The following CUX2 variants were observed in gnomAD, a reference collection of about 807,000 sequenced individuals.
CUX2 encodes cut like homeobox 2.
A neutral mutation model predicts 144.8 loss-of-function variants in CUX2; 40 were observed. The ratio of observed to expected loss-of-function variants is 0.28; its 90% CI spans 0.21 to 0.36. The LOEUF is 0.36. CUX2 is among the 10% of genes least tolerant of loss of function. The pLI is 1.00. For missense variants in CUX2, 1,615 were observed against 1,994.0 expected (o/e 0.81, Z 3.62); for synonymous variants, 827 against 875.6 (o/e 0.94, Z 0.98).
At chr12:111,232,807 T>C (rs1230208898) in intron 3 of CUX2, among the ~76,000 whole-genome samples, 1 of 152,218 alleles carries the variant, frequency 6.6e-6, no homozygotes, top group Non-Finnish European at 1.5e-5. Flanking sequence ...ATTCATTTCC[T>C]TAGCAAATAT....
chr12:111,053,506 T>A (rs1249573604), intron 1 of CUX2, among the ~76,000 whole-genome samples: 1 of 152,212 alleles, frequency 6.6e-6, no homozygotes, highest in Non-Finnish European at 1.5e-5. Context: ...GCCACGTACT[T>A]CCATAGTCTC....
At position 111,282,626 on chromosome 12, in the gene CUX2, A is replaced by T. The variant is rs1323984007; in HGVS notation, c.302-8792A>T. ...GGGCAACAAGCGTGAAACTCCATCT[A>T]AAAAAAAAAAAAAAAAAAAAAAATC... On this transcript the variant is annotated intron_variant, in intron 4 of 21. Coordinates refer to ENST00000261726, the MANE Select transcript of CUX2 (RefSeq NM_015267.4). Among the ~76,000 whole-genome samples the T allele has an allele frequency of 3.2e-3, 167 of 52,812 alleles. 1 individual carries two copies. Among genetic ancestry groups the T allele is most frequent in the South Asian group, 1.6e-3 (2 of 1,284 alleles). The allele number at this position is 52,812 out of a possible 152,430, so 34.6% of individuals were successfully genotyped here.
chr12:111,240,246 C>T (rs1412357711), intron 3 of CUX2, among the ~76,000 whole-genome samples: 1 of 152,212 alleles, frequency 6.6e-6, no homozygotes, highest in African/African-American at 2.4e-5. Context: ...CCAGACAAAG[C>T]AAAACTGGGC....
intron 1 of CUX2, among the ~76,000 whole-genome samples, chr12:111,144,344 C>T (rs748665558): frequency 5.9e-5 from 9 of 152,214 alleles, no homozygotes; most frequent in Non-Finnish European, 1.2e-4. Context: ...TTTCCGGAGC[C>T]ATCAGTAAAA....
intron 16 of CUX2, among the ~76,000 whole-genome samples, chr12:111,318,055 TTTG>T (rs574274806): frequency 5.5e-4 from 84 of 151,424 alleles, no homozygotes; most frequent in Non-Finnish European, 1.0e-3. Context: ...TGGACTTGTT[TTTG>T]TTGTTGTTGT....
intron 19 of CUX2, among the ~76,000 whole-genome samples, chr12:111,337,352 C>CAAA (rs1197695502): frequency 6.3e-5 from 7 of 111,486 alleles, no homozygotes; most frequent in South Asian, 2.8e-4. Context: ...GACCCTGTCT[C>CAAA]AAAAAAAAAA....
chr12:111,150,324 C>T (rs1004123675), intron 1 of CUX2, among the ~76,000 whole-genome samples: 1 of 152,090 alleles, frequency 6.6e-6, no homozygotes, highest in African/African-American at 2.4e-5. Context: ...AAAAAAGGGC[C>T]GGGAAAAAGA....
chr12:111,104,588 T>C (rs1254144450), intron 1 of CUX2, among the ~76,000 whole-genome samples: 1 of 152,240 alleles, frequency 6.6e-6, no homozygotes, highest in East Asian at 1.9e-4. Flanking sequence ...TTTACCTCGC[T>C]GTGGCCCTGG....
intron 8 of CUX2, among the ~76,000 whole-genome samples, chr12:111,296,973 C>T (rs1244784885): frequency 1.3e-5 from 2 of 150,604 alleles, no homozygotes; most frequent in African/African-American, 2.4e-5. Flanking sequence ...CCCTCTGACC[C>T]TCCAGTACTT....
intron 3 of CUX2, among the ~76,000 whole-genome samples, chr12:111,224,774 G>A (rs10744770): frequency 0.32 from 49,227 of 151,880 alleles, 9,904 homozygotes; most frequent in East Asian, 0.62. Flanking sequence ...CCTGGGGGAT[G>A]AGCAGTAGGG....
At chr12:111,228,654 C>T (rs1185428357) in intron 3 of CUX2, among the ~76,000 whole-genome samples, 1 of 152,052 alleles carries the variant, frequency 6.6e-6, no homozygotes, top group Non-Finnish European at 1.5e-5. Context: ...GAACTCCTGA[C>T]CTCAGGTGAT....
chr12:111,184,572 C>CAA, intron 1 of CUX2, among the ~76,000 whole-genome samples: 1 of 108,854 alleles, frequency 9.2e-6, no homozygotes, highest in Non-Finnish European at 1.8e-5. Context: ...CTTCTCTCTA[C>CAA]CAAAAAAAAA....
At chr12:111,134,620 C>CTCTCTGTGTGTG (rs1026548098) in intron 1 of CUX2, among the ~76,000 whole-genome samples, 47 of 142,206 alleles carry the variant, frequency 3.3e-4, no homozygotes, top group African/African-American at 1.3e-3. Flanking sequence ...CTCTCTCTCT[C>CTCTCTGTGTGTG]TGTGTGTGTG....
rs1206538167 is a variant in CUX2, at chr12:111,068,566, TGAG to T, written c.63+34330_63+34332del. Among the ~76,000 whole-genome samples, 1 of 152,240 alleles carries T rather than the reference TGAG, an allele frequency of 6.6e-6. No individual in the cohort carries two copies. Among genetic ancestry groups the T allele is most frequent in the Non-Finnish European group, 1.5e-5 (1 of 68,040 alleles). The stretch of plus-strand genomic sequence containing the variant: ...GGGACCCAGGAGCGCATCCATTTTC[TGAG>T]GAGATGAAAAGCGATGCTGGTTTGA... On this transcript the variant is annotated intron_variant, in intron 1 of 21. Transcript: ENST00000261726. The surrounding 1 kb of genome is among the most constrained non-coding windows in gnomAD (Gnocchi z 4.9).
intron 1 of CUX2, among the ~76,000 whole-genome samples, chr12:111,095,130 A>G (rs1002658565): frequency 1.3e-5 from 2 of 152,104 alleles, no homozygotes; most frequent in African/African-American, 4.8e-5. Context: ...ATGACTAGCC[A>G]TGTGTTTTCC....
At chr12:111,236,154 C>T (rs1882732216) in intron 3 of CUX2, among the ~76,000 whole-genome samples, 1 of 152,188 alleles carries the variant, frequency 6.6e-6, no homozygotes, top group Admixed American at 6.5e-5. Flanking sequence ...ATGCCTAGCA[C>T]ATAGTAGATG....
chr12:111,036,557 G>A (rs771846503), intron 1 of CUX2, among the ~76,000 whole-genome samples: 1 of 152,096 alleles, frequency 6.6e-6, no homozygotes, highest in Non-Finnish European at 1.5e-5. Flanking sequence ...ATAAAGGTAG[G>A]GGGTGGTGGA....
chr12:111,336,510 C>T (rs991134435), intron 19 of CUX2, among the ~76,000 whole-genome samples: 1 of 151,502 alleles, frequency 6.6e-6, no homozygotes, highest in African/African-American at 2.4e-5. Flanking sequence ...TGCAGTCGTA[C>T]GATCTCAGCT....
chr12:111,110,108 C>G (rs1436981377), intron 1 of CUX2, among the ~76,000 whole-genome samples: 4 of 151,364 alleles, frequency 2.6e-5, no homozygotes, highest in Non-Finnish European at 5.9e-5. Context: ...GTCTCAAACT[C>G]CTAGGCTCAA....
Sources: gnomAD v4.1 joint callset for allele counts (sites outside exome capture counted in the v4.1 genomes callset) on GRCh38, gnomAD v4.1.1 for gene constraint, Gnocchi (gnomAD v3.1) non-coding constraint, MANE v1.5 for transcripts, NCBI Gene and HGNC (gene_info 2026-07-23, HGNC 2026-07-21) for gene names.